Variants in PSPC1 observed in about 807,000 individuals in gnomAD.
The protein encoded by PSPC1 is paraspeckle protein 1.
Under a neutral mutation model 51.6 loss-of-function variants are expected in PSPC1, and 14 were observed. That is an observed-to-expected ratio of 0.27 (90% CI 0.18 to 0.42). The LOEUF (loss-of-function observed/expected upper bound fraction) is 0.42. PSPC1 is among the 10% of genes least tolerant of loss of function. The pLI, the probability that PSPC1 is intolerant of heterozygous loss-of-function variation, is 1.00. For synonymous variants in PSPC1, 193 were observed against 231.9 expected, an observed-to-expected ratio of 0.83 and a Z score of 1.53; for missense variants, 406 against 701.1, an observed-to-expected ratio of 0.58 and a Z score of 4.75.
In PSPC1 at chr13:19,725,757, GATAATATGTCCTGCACATAT is replaced by G. The variant is rs560863656; in HGVS notation, c.1158+4462_1158+4481del. On this transcript the variant is annotated intron_variant, in intron 6 of 8. Transcript: ENST00000338910. ...CACGCAAAATTAATGCATAGTTTGA[GATAATATGTCCTGCACATAT>G]AGTCTGAAAGCCCAAATCAAGGTTG... 1.1e-4 allele frequency among the ~76,000 whole-genome samples: 16 copies of G among 152,336 alleles called. No homozygotes were observed. In the South Asian group the frequency reaches 3.1e-3, roughly 30 times the overall value.
intron 6 of PSPC1, among the ~76,000 whole-genome samples, chr13:19,728,439 A>AACACACACAC (rs56662113): frequency 0.034 from 4,850 of 144,224 alleles, 150 homozygotes; most frequent in African/African-American, 0.072. Context: ...TCAAAGCTTA[A>AACACACACAC]ACACACACAC....
chr13:19,758,566 C>T (rs1020999022), intron 3 of PSPC1, among the ~76,000 whole-genome samples: 1 of 152,000 alleles, frequency 6.6e-6, no homozygotes, highest in Admixed American at 6.6e-5. Context: ...GGCGTGGTGG[C>T]TCACACCTGT....
At chr13:19,754,542 C>T (rs1218185771) in intron 3 of PSPC1, among the ~76,000 whole-genome samples, 3 of 150,436 alleles carry the variant, frequency 2.0e-5, no homozygotes, top group Non-Finnish European at 4.4e-5. Flanking sequence ...CGGATTCAAG[C>T]GATTCTCCTG....
chr13:19,770,535 C>T (rs1050602624), intron 2 of PSPC1, among the ~76,000 whole-genome samples: 7 of 152,100 alleles, frequency 4.6e-5, no homozygotes, highest in African/African-American at 1.7e-4. Context: ...TGCATGTAAT[C>T]CCAGCACTTT....
At chr13:19,771,625 G>A (rs1390836903) in intron 2 of PSPC1, among the ~76,000 whole-genome samples, 1 of 149,180 alleles carries the variant, frequency 6.7e-6, no homozygotes, top group Non-Finnish European at 1.5e-5. Context: ...TAGAAGAGAT[G>A]AGGTTTTGTT....
intron 6 of PSPC1, among the ~76,000 whole-genome samples, chr13:19,684,791 C>G (rs1035575578): frequency 6.6e-6 from 1 of 152,202 alleles, no homozygotes; most frequent in Non-Finnish European, 1.5e-5. Context: ...AGGATCCTTT[C>G]TTCTGCTGCC....
intron 6 of PSPC1, among the ~76,000 whole-genome samples, chr13:19,720,544 T>C (rs1882641818): frequency 6.6e-6 from 1 of 152,252 alleles, no homozygotes; most frequent in African/African-American, 2.4e-5. Context: ...GTACATATTT[T>C]CTTCTAAGTA....
At chr13:19,721,773 C>T (rs1882795494) in intron 6 of PSPC1, among the ~76,000 whole-genome samples, 1 of 152,122 alleles carries the variant, frequency 6.6e-6, no homozygotes, top group African/African-American at 2.4e-5. Flanking sequence ...ACCTGTAAGT[C>T]TAATACTCTG....
chr13:19,679,010 T>TC (rs966657077), intron 6 of PSPC1: 2 of 152,212 alleles, frequency 1.3e-5, no homozygotes, highest in Non-Finnish European at 2.9e-5. Context: ...AGCCTTGGCT[T>TC]CCCAAAGTGC....
At chr13:19,696,165 T>C (rs911402716) in intron 6 of PSPC1, among the ~76,000 whole-genome samples, 12 of 152,176 alleles carry the variant, frequency 7.9e-5, no homozygotes, top group African/African-American at 2.9e-4. Context: ...TGTGGAAAAC[T>C]GAGAAGATAC....
intron 6 of PSPC1, among the ~76,000 whole-genome samples, chr13:19,685,869 CCA>C (rs915702664): frequency 3.3e-5 from 5 of 152,334 alleles, no homozygotes; most frequent in Admixed American, 1.3e-4. Flanking sequence ...GCTGTGGGTT[CCA>C]CAGACAACCT....
At chr13:19,694,527 G>T (rs1054826295) in intron 6 of PSPC1, among the ~76,000 whole-genome samples, 13 of 152,174 alleles carry the variant, frequency 8.5e-5, no homozygotes, top group African/African-American at 2.9e-4. Flanking sequence ...TTCTTCGTAA[G>T]TCTGCAAATC....
intron 2 of PSPC1, among the ~76,000 whole-genome samples, chr13:19,765,098 T>G (rs7984401): frequency 6.6e-6 from 1 of 151,916 alleles, no homozygotes; most frequent in African/African-American, 2.4e-5. Flanking sequence ...AATAGTTGAA[T>G]AGTAATGATA....
chr13:19,701,927 G>A (rs1014081437), downstream of PSPC1, among the ~76,000 whole-genome samples: 1 of 152,096 alleles, frequency 6.6e-6, no homozygotes, highest in Non-Finnish European at 1.5e-5. Context: ...CATTTTTAAA[G>A]AGTTATGACT....
At chr13:19,705,919 A>C in intron 7 of PSPC1, 88 bp from the exon 8 acceptor site, 1 of 1,162,614 alleles carries the variant, frequency 8.6e-7, no homozygotes, top group African/African-American at 1.5e-5. Flanking sequence ...TCTATATACC[A>C]AGACCATTAT....
At chr13:19,747,042 AG>A (rs1886068460) in intron 4 of PSPC1, among the ~76,000 whole-genome samples, 1 of 152,148 alleles carries the variant, frequency 6.6e-6, no homozygotes, top group African/African-American at 2.4e-5. Context: ...CAGGAGGTGG[AG>A]GTTGCAGTAT....
At position 19,782,022 on chromosome 13, in the gene PSPC1, G is replaced by A. The variant is rs192899747; in HGVS notation, c.372+364C>T. Among the ~76,000 whole-genome samples, 199 of 152,304 alleles carry A rather than the reference G, an allele frequency of 1.3e-3. 1 individual carries two copies. Among genetic ancestry groups the A allele is most frequent in the African/African-American group, 4.5e-3 (186 of 41,570 alleles). On this transcript the variant is annotated intron_variant, in intron 1 of 8. Coordinates refer to ENST00000338910, the MANE Select transcript of PSPC1 (RefSeq NM_001354909.2). The surrounding 1 kb of genome is among the most constrained non-coding windows in gnomAD (Gnocchi z 4.5). ...TCACCCCAAAACGCTGCCCGCCCCT[G>A]TCCCCGGACCCTTTCGGTACCCGGG...
intron 5 of PSPC1, among the ~76,000 whole-genome samples, chr13:19,740,006 C>G (rs1593674361): frequency 6.6e-6 from 1 of 152,086 alleles, no homozygotes; most frequent in East Asian, 1.9e-4. Flanking sequence ...CTAACAGTTC[C>G]CTAGGTGAAA....
intron 1 of PSPC1, among the ~76,000 whole-genome samples, chr13:19,776,426 A>G (rs1889128743): frequency 6.6e-6 from 1 of 152,138 alleles, no homozygotes; most frequent in East Asian, 1.9e-4. Flanking sequence ...TGATCATGCC[A>G]CTGCACTCTA....
Sources: gnomAD v4.1 joint callset for allele counts (sites outside exome capture counted in the v4.1 genomes callset) on GRCh38, gnomAD v4.1.1 for gene constraint, Gnocchi (gnomAD v3.1) non-coding constraint, MANE v1.5 for transcripts, NCBI Gene and HGNC (gene_info 2026-07-23, HGNC 2026-07-21) for gene names.